The following FAM227B variants were observed in gnomAD, a reference collection of about 807,000 sequenced individuals.
FAM227B encodes the protein family with sequence similarity 227 member B.
In FAM227B, 88 loss-of-function variants were observed where a neutral mutation model predicts 73.8. The observed-to-expected ratio is 1.19, with a 90% CI of 1.00 to 1.42. The LOEUF is 1.42. Ranked by LOEUF, FAM227B falls within the 40% of genes most tolerant of loss-of-function variation. The probability of loss-of-function intolerance (pLI) is 0.00; values close to 1 mark genes in which losing one functional copy is unlikely to be tolerated. For synonymous variants in FAM227B, 210 were observed against 190.5 expected (o/e 1.10, Z -0.84); for missense variants, 632 against 590.9 (o/e 1.07, Z -0.72).
intron 13 of FAM227B, chr15:49,366,031 A>C (rs1049856392): frequency 8.7e-6 from 7 of 805,758 alleles, no homozygotes; most frequent in Middle Eastern, 7.0e-4. Flanking sequence ...AAGAGGACTA[A>C]AAGTTAGATA....
At chr15:49,618,118 T>C (rs1279645559) in intron 1 of FAM227B, among the ~76,000 whole-genome samples, 2 of 152,212 alleles carry the variant, frequency 1.3e-5, no homozygotes. Flanking sequence ...CAGTTCCTTT[T>C]GCCATATAAA....
Position 49,489,883 on chromosome 15 carries a change from T to TATATATATATATAGAG in FAM227B, c.1012+18327_1012+18328insCTCTATATATATATAT, listed in dbSNP as rs1555505060. On this transcript the variant is annotated intron_variant, in intron 11 of 15. Coordinates refer to ENST00000299338, the MANE Select transcript of FAM227B (RefSeq NM_152647.3). ...TTTTATATATATATATATATATATA[T>TATATATATATATAGAG]AGAGAGAGAGAGAGAGAGAGAGAGA... 1.2e-3 allele frequency among the ~76,000 whole-genome samples: 27 copies of TATATATATATATAGAG among 22,938 alleles called. 3 individuals are homozygous for TATATATATATATAGAG. Among genetic ancestry groups the TATATATATATATAGAG allele is most frequent in the South Asian group, 3.7e-3 (2 of 544 alleles). The allele number at this position is 22,938 out of a possible 152,430, so 15.0% of individuals were successfully genotyped here. A position where few individuals can be genotyped will look rare whatever the true frequency, so the allele number is the denominator to read the frequency against.
At chr15:49,434,124 T>C (rs935966838) in intron 11 of FAM227B, among the ~76,000 whole-genome samples, 1 of 151,530 alleles carries the variant, frequency 6.6e-6, no homozygotes, top group Non-Finnish European at 1.5e-5. Flanking sequence ...CAGGAGTCTT[T>C]TGGTATCTTA....
At chr15:49,482,035 C>A (rs1459837796) in intron 11 of FAM227B, among the ~76,000 whole-genome samples, 3 of 152,026 alleles carry the variant, frequency 2.0e-5, no homozygotes, top group Non-Finnish European at 2.9e-5. Flanking sequence ...TTAGTTTTTT[C>A]TTTAAGTCAA....
At chr15:49,424,502 C>T (rs370236693) in intron 11 of FAM227B, 2 of 1,613,236 alleles carry the variant, frequency 1.2e-6, no homozygotes, top group Non-Finnish European at 1.7e-6. Context: ...AGTGAGAAGA[C>T]TCTTCTGTCG....
At chr15:49,424,392 G>A in intron 11 of FAM227B, 1 of 1,613,618 alleles carries the variant, frequency 6.2e-7, no homozygotes, top group Non-Finnish European at 8.5e-7. Flanking sequence ...TCTTTAGCTT[G>A]CAATGACATG....
At chr15:49,586,194 C>G (rs1445567155) in intron 5 of FAM227B, among the ~76,000 whole-genome samples, 1 of 152,040 alleles carries the variant, frequency 6.6e-6, no homozygotes, top group African/African-American at 2.4e-5. Context: ...AAGAGACACA[C>G]AGACCAATGG....
chr15:49,360,370 C>T (rs988461696), intron 13 of FAM227B, among the ~76,000 whole-genome samples: 1 of 152,056 alleles, frequency 6.6e-6, no homozygotes, highest in Non-Finnish European at 1.5e-5. Flanking sequence ...ATGTTTAAAA[C>T]TCATGTTAGC....
chr15:49,550,584 C>T (rs367963974), intron 9 of FAM227B, among the ~76,000 whole-genome samples: 7 of 151,554 alleles, frequency 4.6e-5, no homozygotes, highest in Admixed American at 1.3e-4. Flanking sequence ...TGGGCAGAGA[C>T]GCTCCTCACC....
intron 3 of FAM227B, among the ~76,000 whole-genome samples, chr15:49,607,425 A>G (rs1436635138): frequency 6.6e-6 from 1 of 152,190 alleles, no homozygotes; most frequent in Non-Finnish European, 1.5e-5. Context: ...ACAGGGTAAA[A>G]TCCCTGAAGA....
chr15:49,564,699 G>T (rs1404092333), intron 9 of FAM227B, among the ~76,000 whole-genome samples: 1 of 152,160 alleles, frequency 6.6e-6, no homozygotes, highest in Admixed American at 6.5e-5. Flanking sequence ...CAATGTGGTT[G>T]CAGCTGGAGG....
At chr15:49,381,057 A>G (rs2046500251) in intron 11 of FAM227B, among the ~76,000 whole-genome samples, 1 of 152,148 alleles carries the variant, frequency 6.6e-6, no homozygotes, top group African/African-American at 2.4e-5. Context: ...AAACGAAGCA[A>G]GAGCAAGGGG....
chr15:49,581,613 A>G (rs1030841999), intron 5 of FAM227B, among the ~76,000 whole-genome samples: 3 of 152,100 alleles, frequency 2.0e-5, no homozygotes, highest in Non-Finnish European at 4.4e-5. Flanking sequence ...CACCGTACCC[A>G]GATGTATTCA....
intron 11 of FAM227B, chr15:49,422,779 T>C (rs2049799573): frequency 7.6e-6 from 10 of 1,316,934 alleles, no homozygotes; most frequent in Non-Finnish European, 1.1e-5. Flanking sequence ...CTGTATGATG[T>C]GATAATATTC....
chr15:49,508,510 C>T (rs1466774922), intron 10 of FAM227B, among the ~76,000 whole-genome samples, 162 bp from the exon 11 acceptor site: 1 of 151,904 alleles, frequency 6.6e-6, no homozygotes, highest in Non-Finnish European at 1.5e-5. Context: ...AGTCATCTAA[C>T]CACTCTAAAC....
chr15:49,365,886 TGCA>T, intron 13 of FAM227B: 1 of 963,942 alleles, frequency 1.0e-6, no homozygotes, highest in Non-Finnish European at 1.7e-6. Flanking sequence ...TATGAATTAG[TGCA>T]GCAAGAGAGT....
intron 3 of FAM227B, among the ~76,000 whole-genome samples, chr15:49,602,115 A>G (rs1383671417): frequency 2.0e-5 from 3 of 152,132 alleles, no homozygotes; most frequent in East Asian, 3.9e-4. Context: ...GGGAGTGCAG[A>G]TATCTCTTTG....
intron 11 of FAM227B, among the ~76,000 whole-genome samples, chr15:49,411,301 T>C (rs987515844): frequency 2.6e-4 from 39 of 152,126 alleles, no homozygotes; most frequent in African/African-American, 8.7e-4. Context: ...ACTAACGAGA[T>C]GAGGAACATT....
At chr15:49,506,489 G>A (rs2058594482) in intron 11 of FAM227B, among the ~76,000 whole-genome samples, 1 of 151,818 alleles carries the variant, frequency 6.6e-6, no homozygotes, top group Non-Finnish European at 1.5e-5. Flanking sequence ...TTTAACTGCA[G>A]ATATACATTC....
Sources: gnomAD v4.1 joint callset for allele counts (sites outside exome capture counted in the v4.1 genomes callset) on GRCh38, gnomAD v4.1.1 for gene constraint, MANE v1.5 for transcripts, NCBI Gene and HGNC (gene_info 2026-07-23, HGNC 2026-07-21) for gene names.